The following ZNF148 variants were observed in gnomAD, a reference collection of about 807,000 sequenced individuals.
The protein encoded by ZNF148 is Beta-Enolase Repressor Factor-1.
Under a neutral mutation model 67.7 loss-of-function variants are expected in ZNF148, and 7 were observed. The ratio of observed to expected loss-of-function variants is 0.10; its 90% CI spans 0.06 to 0.19. The LOEUF is 0.19. Among genes scored for constraint, ZNF148 ranks in the 10% least tolerant of loss-of-function variants. The pLI, the probability that ZNF148 is intolerant of heterozygous loss-of-function variation, is 1.00. For missense variants in ZNF148, 583 were observed against 947.1 expected (o/e 0.62, Z 5.05); for synonymous variants, 333 against 330.7 (o/e 1.01, Z -0.08).
At chr3:125,280,846 G>A (rs1938346809) in intron 5 of ZNF148, among the ~76,000 whole-genome samples, 1 of 151,176 alleles carries the variant, frequency 6.6e-6, no homozygotes, top group Non-Finnish European at 1.5e-5. Flanking sequence ...CCAGTGAGAG[G>A]GAAACAATGC....
chr3:125,288,911 G>A lies in ZNF148; in HGVS notation c.334-683C>T, dbSNP rs149025607. ...ACTACATAATAGAGAAATACTAGAA[G>A]AAACATTAAGATTTCAACAATGTTC... On this transcript the variant is annotated intron_variant, in intron 4 of 8. Transcript: ENST00000360647. Among the ~76,000 whole-genome samples the A allele has an allele frequency of 1.1e-3, 174 of 152,208 alleles. 1 individual carries two copies. Among genetic ancestry groups the A allele is most frequent in the African/African-American group, 3.9e-3 (164 of 41,538 alleles).
chr3:125,315,368 A>G (rs1204967657), intron 3 of ZNF148, among the ~76,000 whole-genome samples: 1 of 152,074 alleles, frequency 6.6e-6, no homozygotes, highest in Non-Finnish European at 1.5e-5. Context: ...GAAAACTTAG[A>G]AACAACCATT....
intron 4 of ZNF148, among the ~76,000 whole-genome samples, chr3:125,313,078 A>T (rs1940301601): frequency 6.6e-6 from 1 of 152,176 alleles, no homozygotes; most frequent in Non-Finnish European, 1.5e-5. Flanking sequence ...TTTAATACCA[A>T]AATAATCCTG....
chr3:125,302,625 T>C (rs1311508752), intron 4 of ZNF148, among the ~76,000 whole-genome samples: 1 of 152,190 alleles, frequency 6.6e-6, no homozygotes, highest in Non-Finnish European at 1.5e-5. Flanking sequence ...TTTATCATTA[T>C]CTATTAGGAA....
intron 3 of ZNF148, among the ~76,000 whole-genome samples, chr3:125,317,018 A>G (rs1184710967): frequency 6.6e-6 from 1 of 152,222 alleles, no homozygotes; most frequent in Admixed American, 6.5e-5. Context: ...CAGAAGTAGT[A>G]AAGTGAAGAC....
At chr3:125,340,911 C>G (rs1405506624) in intron 1 of ZNF148, among the ~76,000 whole-genome samples, 1 of 148,234 alleles carries the variant, frequency 6.7e-6, no homozygotes, top group African/African-American at 2.5e-5. Context: ...TGGCGTGAAC[C>G]CAGGAGGCGG....
chr3:125,238,538 G>T (rs1936197997), intron 7 of ZNF148, among the ~76,000 whole-genome samples: 1 of 152,090 alleles, frequency 6.6e-6, no homozygotes, highest in African/African-American at 2.4e-5. Context: ...TGAGGCAGGA[G>T]AATCACTTGA....
chr3:125,255,774 C>T (rs1369151603), intron 7 of ZNF148, among the ~76,000 whole-genome samples: 2 of 152,038 alleles, frequency 1.3e-5, no homozygotes, highest in East Asian at 3.9e-4. Context: ...TTCCATTTTT[C>T]TCTGACATTC....
intron 7 of ZNF148, among the ~76,000 whole-genome samples, chr3:125,267,976 C>T (rs1269083052): frequency 6.6e-6 from 1 of 151,926 alleles, no homozygotes; most frequent in Non-Finnish European, 1.5e-5. Flanking sequence ...GATGCACACA[C>T]ACATACCCAT....
chr3:125,315,227 C>T lies in ZNF148; in HGVS notation c.-16-1571G>A, dbSNP rs1331073457. Among the ~76,000 whole-genome samples, 3 of 151,986 alleles carry T rather than the reference C, an allele frequency of 2.0e-5. No individual in the cohort carries two copies. The East Asian group carries it at 5.8e-4, about 29-fold the overall frequency. ...TTATTCTGTCCATTTATTTGGAAAT[C>T]CTTAAGAATCAACTGGTGAAAAGTA... On this transcript the variant is annotated intron_variant, in intron 3 of 8. Coordinates refer to ENST00000360647, the MANE Select transcript of ZNF148 (RefSeq NM_021964.3).
At chr3:125,328,713 C>A (rs1329285902) in intron 2 of ZNF148, among the ~76,000 whole-genome samples, 5 of 151,586 alleles carry the variant, frequency 3.3e-5, no homozygotes, top group African/African-American at 1.2e-4. Context: ...CATAAAAGGG[C>A]AAAGCACATG....
Position 125,232,270 on chromosome 3 carries a change from T to A in ZNF148, c.*71A>T. ...TCTTAAATCTGTACAGCACTCCATT[T>A]ACACAGAGTAACCCCACTCTTGATT... On this transcript the variant is annotated 3_prime_UTR_variant, in exon 9 of 9. Coordinates refer to ENST00000360647, the MANE Select transcript of ZNF148 (RefSeq NM_021964.3). The surrounding 1 kb of genome is among the most constrained non-coding windows in gnomAD (Gnocchi z 4.2). 6.7e-7 allele frequency: 1 copy of A among 1,490,798 alleles called. No individual in the cohort carries two copies. Among genetic ancestry groups the A allele is most frequent in the Non-Finnish European group, 8.9e-7 (1 of 1,118,794 alleles). 92.3% of individuals were successfully genotyped at this position (1,490,798 alleles called of 1,614,324 possible).
rs573898160 is a variant in ZNF148 at position 125,227,219 on chromosome 3, T to G, written c.*5122A>C. Reference sequence around the variant, plus strand: ...GTTCTATACAACAGTGTCTATATTATGTACATATTTAATTATCAATAGGAA... The same window carrying G: ...GTTCTATACAACAGTGTCTATATTAGGTACATATTTAATTATCAATAGGAA... On this transcript the variant is annotated 3_prime_UTR_variant, in exon 9 of 9. Coordinates refer to ENST00000360647, the MANE Select transcript of ZNF148 (RefSeq NM_021964.3). The G allele has an allele frequency of 6.5e-6, 1 of 152,738 alleles. No homozygotes were observed. The highest frequency in any genetic ancestry group is 6.5e-5 in the Admixed American group (1 of 15,290). 9.5% of individuals were successfully genotyped at this position (152,738 alleles called of 1,614,324 possible).
chr3:125,316,565 T>G (rs190473576), intron 3 of ZNF148, among the ~76,000 whole-genome samples: 1 of 152,372 alleles, frequency 6.6e-6, no homozygotes, highest in Admixed American at 6.5e-5. Flanking sequence ...GACATCTCAT[T>G]GCAGTTTTGA....
chr3:125,341,997 GGC>G (rs369317893), intron 1 of ZNF148, among the ~76,000 whole-genome samples: 1,170 of 72,564 alleles, frequency 0.016, 28 homozygotes, highest in African/African-American at 0.07. Context: ...TCTGTTTCGG[GGC>G]GGGGGGGGGA....
At chr3:125,302,744 G>GA (rs1249424182) in intron 4 of ZNF148, among the ~76,000 whole-genome samples, 2 of 152,166 alleles carry the variant, frequency 1.3e-5, no homozygotes, top group African/African-American at 2.4e-5. Flanking sequence ...ACTGTTAAGT[G>GA]AAAAGACTAC....
chr3:125,262,380 C>A (rs534422596), intron 7 of ZNF148, among the ~76,000 whole-genome samples: 1 of 152,156 alleles, frequency 6.6e-6, no homozygotes, highest in African/African-American at 2.4e-5. Flanking sequence ...CAAAATCTGA[C>A]GAAATTGTAG....
chr3:125,322,518 A>C (rs1940829822), intron 3 of ZNF148, among the ~76,000 whole-genome samples: 1 of 151,988 alleles, frequency 6.6e-6, no homozygotes, highest in African/African-American at 2.4e-5. Context: ...ATCTGAGTGA[A>C]AGTGATATAC....
chr3:125,266,077 ACGTCTAAAC>A (rs781412234), intron 7 of ZNF148, among the ~76,000 whole-genome samples: 1 of 152,146 alleles, frequency 6.6e-6, no homozygotes, highest in Non-Finnish European at 1.5e-5. Flanking sequence ...TAAAGCAAAT[ACGTCTAAAC>A]CTAGGAAAAG....
Sources: allele counts gnomAD v4.1 joint callset (sites outside exome capture counted in the v4.1 genomes callset), GRCh38; gene constraint gnomAD v4.1.1; non-coding constraint Gnocchi (gnomAD v3.1); transcripts MANE v1.5; gene names NCBI Gene and HGNC (gene_info 2026-07-23, HGNC 2026-07-21).